NRG1: variants seen among roughly 807,000 people sequenced by gnomAD.
The protein encoded by NRG1 is pro-neuregulin-1, membrane-bound isoform.
A neutral mutation model predicts 63.8 loss-of-function variants in NRG1; 18 were observed. That is an observed-to-expected ratio of 0.28 (90% CI 0.19 to 0.42). The LOEUF (loss-of-function observed/expected upper bound fraction) is 0.42. Ranked by LOEUF, NRG1 falls within the 10% of genes least tolerant of loss-of-function variation. The pLI, the probability that NRG1 is intolerant of heterozygous loss-of-function variation, is 1.00. For missense variants in NRG1, 762 were observed against 814.7 expected (o/e 0.94, Z 0.79); for synonymous variants, 302 against 301.3 (o/e 1.00, Z -0.02).
chr8:31,781,957 A>G (rs775545537), intron 1 of NRG1, among the ~76,000 whole-genome samples: 19 of 152,112 alleles, frequency 1.2e-4, no homozygotes, highest in Non-Finnish European at 2.4e-4. Context: ...GAGAGTGGGC[A>G]CTTCTCCCCT....
intron 1 of NRG1, among the ~76,000 whole-genome samples, chr8:32,395,177 G>A (rs1812284324): frequency 1.3e-5 from 2 of 152,158 alleles, no homozygotes. Context: ...GTGAGCTTAT[G>A]AGCTAATGCA....
chr8:32,563,464 A>G (rs952461565), intron 1 of NRG1, among the ~76,000 whole-genome samples: 7 of 152,204 alleles, frequency 4.6e-5, no homozygotes, highest in African/African-American at 1.2e-4. Context: ...GATGGTAAGT[A>G]TATTTGGGAA....
chr8:32,370,200 A>C (rs1212780508), intron 1 of NRG1, among the ~76,000 whole-genome samples: 4 of 152,192 alleles, frequency 2.6e-5, no homozygotes, highest in African/African-American at 9.6e-5. Context: ...AAAATCATAG[A>C]GTGAATAGGA....
intron 1 of NRG1, among the ~76,000 whole-genome samples, chr8:32,429,031 A>AC (rs1200851648): frequency 1.3e-5 from 2 of 152,206 alleles, no homozygotes; most frequent in Non-Finnish European, 2.9e-5. Flanking sequence ...TTGTTAGTGA[A>AC]CACTGACTGC....
intron 5 of NRG1, among the ~76,000 whole-genome samples, chr8:32,660,243 A>G (rs1770252340): frequency 6.6e-6 from 1 of 152,208 alleles, no homozygotes; most frequent in South Asian, 2.1e-4. Context: ...GGTAACTATA[A>G]TGCAAACATT....
rs1822877662 is a variant in NRG1, at chr8:32,728,665, G to A, written c.632+587G>A. On this transcript the variant is annotated intron_variant, in intron 6 of 11. Transcript: ENST00000356819. ...GCATATATTTGGAAATACATTGTAT[G>A]TAGCATCCCTGTGGGTGACAGCAGT... 4.1e-6 allele frequency: 4 copies of A among 984,466 alleles called. No homozygotes were observed. In the Admixed American group the frequency reaches 2.5e-4, roughly 61 times the overall value. The allele number at this position is 984,466 out of a possible 1,614,324, so 61.0% of individuals were successfully genotyped here.
chr8:32,290,504 C>T (rs946235346), intron 1 of NRG1, among the ~76,000 whole-genome samples: 7 of 151,974 alleles, frequency 4.6e-5, no homozygotes, highest in Non-Finnish European at 4.4e-5. Context: ...GGCTAGCTCT[C>T]TCAGCTTTCC....
At chr8:32,048,375 A>G (rs560439435) in intron 1 of NRG1, among the ~76,000 whole-genome samples, 1 of 148,642 alleles carries the variant, frequency 6.7e-6, no homozygotes, top group South Asian at 2.1e-4. Context: ...GTATACATAT[A>G]TATGTATGAA....
intron 1 of NRG1, among the ~76,000 whole-genome samples, chr8:31,933,984 T>C (rs1422270303): frequency 6.6e-6 from 1 of 152,184 alleles, no homozygotes; most frequent in Non-Finnish European, 1.5e-5. Flanking sequence ...ATACATTTCA[T>C]TTATATTTTA....
chr8:32,542,795 C>A (rs1057125482), intron 1 of NRG1, among the ~76,000 whole-genome samples: 8 of 152,266 alleles, frequency 5.3e-5, no homozygotes, highest in African/African-American at 1.2e-4. Context: ...CTTCTGACTA[C>A]AGTATGTGGC....
chr8:32,605,552 G>C lies in NRG1; in HGVS notation c.279-10G>C. 6.2e-7 allele frequency: 1 copy of C among 1,612,752 alleles called. No individual in the cohort carries two copies. Among genetic ancestry groups the C allele is most frequent in the Non-Finnish European group, 8.5e-7 (1 of 1,179,150 alleles). Reference sequence around the variant, plus strand: ...TATATACTGACACCACTTTGGTCCTGATCTTATAGGAAGTCAGAACTTCGC... The same window carrying C: ...TATATACTGACACCACTTTGGTCCTCATCTTATAGGAAGTCAGAACTTCGC... On this transcript the variant is annotated splice_polypyrimidine_tract_variant and intron_variant, in intron 2 of 11. Coordinates refer to ENST00000356819, the Ensembl canonical transcript of NRG1.
chr8:31,938,837 G>T (rs961784914), intron 1 of NRG1, among the ~76,000 whole-genome samples: 1 of 152,102 alleles, frequency 6.6e-6, no homozygotes, highest in African/African-American at 2.4e-5. Context: ...CAAGGCATTT[G>T]AATTAACTCA....
chr8:32,682,970 C>G (rs917888321), intron 5 of NRG1, among the ~76,000 whole-genome samples: 3 of 151,972 alleles, frequency 2.0e-5, no homozygotes, highest in South Asian at 2.1e-4. Flanking sequence ...TATATATAAC[C>G]TTTTATCTTT....
chr8:32,200,471 C>T (rs887362342), intron 1 of NRG1, among the ~76,000 whole-genome samples: 3 of 152,066 alleles, frequency 2.0e-5, no homozygotes, highest in Admixed American at 6.6e-5. Context: ...CTCATTTGCT[C>T]CACTTCCTCC....
chr8:32,282,210 G>T (rs1040059630), intron 1 of NRG1, among the ~76,000 whole-genome samples: 1 of 152,174 alleles, frequency 6.6e-6, no homozygotes, highest in African/African-American at 2.4e-5. Context: ...GGTGGACAAA[G>T]TATCACCCAC....
intron 1 of NRG1, among the ~76,000 whole-genome samples, chr8:32,505,891 G>T (rs1198885260): frequency 1.3e-5 from 2 of 152,130 alleles, no homozygotes; most frequent in Non-Finnish European, 1.5e-5. Context: ...GTTTTTTAGG[G>T]TCCTTGACTG....
intron 1 of NRG1, among the ~76,000 whole-genome samples, chr8:32,281,618 G>A (rs1168960888): frequency 6.6e-6 from 1 of 152,044 alleles, no homozygotes. Context: ...GCAGTATTTG[G>A]TTCTCTGTTC....
At chr8:32,235,516 T>TA (rs1161723943) in intron 1 of NRG1, among the ~76,000 whole-genome samples, 2 of 152,098 alleles carry the variant, frequency 1.3e-5, no homozygotes, top group South Asian at 2.1e-4. Flanking sequence ...CATCTTCTTA[T>TA]AAAAAAATAC....
At chr8:32,228,659 C>G (rs1295756565) in intron 1 of NRG1, among the ~76,000 whole-genome samples, 1 of 152,074 alleles carries the variant, frequency 6.6e-6, no homozygotes, top group Non-Finnish European at 1.5e-5. Flanking sequence ...TTATCAATGA[C>G]TATGCTGTAT....
Sources: gnomAD v4.1 joint callset for allele counts (sites outside exome capture counted in the v4.1 genomes callset) on GRCh38, gnomAD v4.1.1 for gene constraint, MANE v1.5 for transcripts, NCBI Gene and HGNC (gene_info 2026-07-23, HGNC 2026-07-21) for gene names.